The following ESRRA variants were observed in gnomAD, a reference collection of about 807,000 sequenced individuals.
ESRRA encodes the protein steroid hormone receptor ERR1.
Under a neutral mutation model 35.6 loss-of-function variants are expected in ESRRA, and 7 were observed. The ratio of observed to expected loss-of-function variants is 0.20; its 90% CI spans 0.11 to 0.37. The LOEUF (loss-of-function observed/expected upper bound fraction) is 0.37. ESRRA is among the 10% of genes least tolerant of loss of function. ESRRA has a pLI of 1.00. For missense variants in ESRRA, 378 were observed against 561.7 expected, an observed-to-expected ratio of 0.67 and a Z score of 3.31; for synonymous variants, 223 against 246.9, an observed-to-expected ratio of 0.90 and a Z score of 0.91.
chr11:64,311,175 A>G (rs1224829266), intron 2 of ESRRA, among the ~76,000 whole-genome samples: 1 of 152,234 alleles, frequency 6.6e-6, no homozygotes. Context: ...GCCCAAGGTC[A>G]TAAAGGTATG....
chr11:64,306,993 C>G (rs2035046289), intron 1 of ESRRA, 175 bp from the exon 2 acceptor site: 1 of 496,008 alleles, frequency 2.0e-6, no homozygotes, highest in African/African-American at 2.0e-5. Flanking sequence ...ATGGCAACAG[C>G]TAGGAGGGGG....
chr11:64,314,625 TC>T, intron 4 of ESRRA, 115 bp from the exon 5 acceptor site: 2 of 1,083,154 alleles, frequency 1.8e-6, no homozygotes, highest in South Asian at 3.1e-5. Flanking sequence ...TGGAGGGAAG[TC>T]ACTGGACAGC....
In ESRRA at chr11:64,313,314, A is replaced by G. The variant is rs1024798213; in HGVS notation, c.326-637A>G. Among the ~76,000 whole-genome samples, 2 of 152,162 alleles carry G rather than the reference A, an allele frequency of 1.3e-5. No individual in the cohort carries two copies. The highest frequency in any genetic ancestry group is 4.8e-5 in the African/African-American group (2 of 41,430). On this transcript the variant is annotated intron_variant, in intron 2 of 6. Transcript: ENST00000000442. This position sits in a 1 kb window ranked among gnomAD's most constrained non-coding sequence, Gnocchi z 4.0. ...GTGTTCGGTCCGAGATGCCTTCTAG[A>G]CATGCAGGATGTCAAGGAGGCAGCT...
rs373869986 is a variant in ESRRA at position 64,316,207 on chromosome 11, C to A, written c.*241C>A. ...GCTGCCCCTTGCAAGCCATAACGTG[C>A]CCCCAGAGTGTAGGGGGCCTTGCGG... On this transcript the variant is annotated 3_prime_UTR_variant, in exon 7 of 7. Coordinates refer to ENST00000000442, the MANE Select transcript of ESRRA (RefSeq NM_004451.5). 6.3e-6 allele frequency: 3 copies of A among 479,776 alleles called. No homozygotes were observed. Among genetic ancestry groups the A allele is most frequent in the Non-Finnish European group, 1.1e-5 (3 of 270,952 alleles). The allele number at this position is 479,776 out of a possible 1,614,324, so 29.7% of individuals were successfully genotyped here.
At chr11:64,309,634 T>TAAA (rs575246508) in intron 2 of ESRRA, among the ~76,000 whole-genome samples, 2 of 124,632 alleles carry the variant, frequency 1.6e-5, no homozygotes, top group Non-Finnish European at 3.5e-5. Flanking sequence ...CACGTATAAT[T>TAAA]AAAAAAAAAA....
At position 64,307,370 on chromosome 11, in the gene ESRRA, A is replaced by G; in HGVS notation, c.191A>G (p.Gln64Arg). 1.2e-6 allele frequency: 2 copies of G among 1,606,494 alleles called. No homozygotes were observed. Among genetic ancestry groups the G allele is most frequent in the Non-Finnish European group, 8.5e-7 (1 of 1,175,372 alleles). ...GGGGAGGGGGCTGGGCCTGGCGAGC[A>G]GGGCGGTGGGAAGCTGGTGCTCAGC... ...EDGEGAGPGE[Q>R]GGGKLVLSSL... Residue 64 changes from glutamine (Q) to arginine (R), a missense_variant, in exon 2 of 7, where the codon CAG (glutamine) becomes CGG (arginine). Transcript: ENST00000000442.
Position 64,314,159 on chromosome 11 carries a change from C to T in ESRRA, c.443-80C>T, listed in dbSNP as rs906223144. The T allele has an allele frequency of 1.3e-4, 198 of 1,557,906 alleles. No individual in the cohort carries two copies. The Middle Eastern group carries it at 1.4e-3, about 11-fold the overall frequency. ...GCCTGGGAGTTCTGGTGAGTGGACT[C>T]GGGGAGGACAGCTCTGGAGAGCAAG... On this transcript the variant is annotated intron_variant, in intron 3 of 6. Coordinates refer to ENST00000000442, the MANE Select transcript of ESRRA (RefSeq NM_004451.5).
chr11:64,315,720 C>T lies in ESRRA; in HGVS notation c.1026C>T (p.Ile342=), dbSNP rs1204285852. ...CTCTTCTTGCAGACTCTGTGCACAT[C>T]GAAGATGCCGAGGCTGTGGAGCAGC... The part of the protein sequence containing the change: ...LALANSDSVH[I]EDAEAVEQLR... Residue 342 remains isoleucine, a synonymous_variant, in exon 7 of 7, where the codon ATC becomes ATT. Coordinates refer to ENST00000000442, the MANE Select transcript of ESRRA (RefSeq NM_004451.5). 8 of 1,613,810 alleles carry T rather than the reference C, an allele frequency of 5.0e-6. No homozygotes were observed. Among genetic ancestry groups the T allele is most frequent in the Middle Eastern group, 1.6e-4 (1 of 6,078 alleles).
At position 64,316,148 on chromosome 11, in the gene ESRRA, A is replaced by G. The variant is rs1591247831; in HGVS notation, c.*182A>G. Reference sequence around the variant, plus strand: ...CCTCCCCCTCCTAGGGGGTGTCAGAAGCTGGGAACGTGTGTCCAGGCTCTG... The same window carrying G: ...CCTCCCCCTCCTAGGGGGTGTCAGAGGCTGGGAACGTGTGTCCAGGCTCTG... On this transcript the variant is annotated 3_prime_UTR_variant, in exon 7 of 7. Coordinates refer to ENST00000000442, the MANE Select transcript of ESRRA (RefSeq NM_004451.5). 1 of 686,286 alleles carries G rather than the reference A, an allele frequency of 1.5e-6. No homozygotes were observed. The highest frequency in any genetic ancestry group is 2.1e-5 in the South Asian group (1 of 47,666). 42.5% of individuals were successfully genotyped at this position (686,286 alleles called of 1,614,324 possible). A position where few individuals can be genotyped will look rare whatever the true frequency, so the allele number is the denominator to read the frequency against.
At chr11:64,314,214 A>G in intron 3 of ESRRA, 25 bp from the exon 4 acceptor site, 2 of 1,598,048 alleles carry the variant, frequency 1.3e-6, no homozygotes, top group Non-Finnish European at 1.7e-6. Context: ...CCACAGTCAC[A>G]GTCCTATCTG....
chr11:64,314,168 C>T, intron 3 of ESRRA, 71 bp from the exon 4 acceptor site: 1 of 1,564,728 alleles, frequency 6.4e-7, no homozygotes, highest in Non-Finnish European at 8.7e-7. Context: ...TCGGGGAGGA[C>T]AGCTCTGGAG....
rs1017720295 is a variant in ESRRA at position 64,305,927 on chromosome 11, C to G, written c.-13+191C>G. On this transcript the variant is annotated intron_variant, in intron 1 of 6. Transcript: ENST00000000442. This position sits in a 1 kb window ranked among gnomAD's most constrained non-coding sequence, Gnocchi z 5.8. ...TTCAGGCGGGATCCGGCGTCCGAGT[C>G]CTGGTGGGCCGGCCTGGGGCAGGAT... Among the ~76,000 whole-genome samples, 46 of 152,186 alleles carry G rather than the reference C, an allele frequency of 3.0e-4. No homozygotes were observed. Among genetic ancestry groups the G allele is most frequent in the African/African-American group, 1.1e-3 (44 of 41,534 alleles).
intron 2 of ESRRA, among the ~76,000 whole-genome samples, chr11:64,312,004 GT>G (rs1264455281): frequency 3.7e-4 from 1 of 2,684 alleles, no homozygotes; most frequent in Non-Finnish European, 2.5e-3. Context: ...TTGGTACAGA[GT>G]TTCGCTCTGG....
rs1408140490 is a variant in ESRRA at position 64,314,320 on chromosome 11, C to T, written c.524C>T (p.Pro175Leu). ...GTGGACCCACTGCCCTTCCCGGGCC[C>T]CTTCCCTGCTGGGCCCCTGGCAGTC... ...PEVDPLPFPG[P>L]FPAGPLAVAG... Residue 175 changes from proline to leucine, a missense_variant, in exon 4 of 7, where the codon CCC becomes CTC. Pro to Leu is a moderately conservative substitution (Grantham distance 98, BLOSUM62 -3). Around this residue, in one of 4 missense-constraint regions of ESRRA, gnomAD observed 284 missense variants for 411.7 expected, o/e 0.69. Coordinates refer to ENST00000000442, the MANE Select transcript of ESRRA (RefSeq NM_004451.5). The T allele has an allele frequency of 1.2e-6, 2 of 1,606,794 alleles. No individual in the cohort carries two copies. The highest frequency in any genetic ancestry group is 1.7e-6 in the Non-Finnish European group (2 of 1,177,086).
At chr11:64,306,875 G>A (rs1422378557) in intron 1 of ESRRA, 3 of 302,246 alleles carry the variant, frequency 9.9e-6, no homozygotes, top group Non-Finnish European at 1.2e-5. Flanking sequence ...TGGGGGCTAC[G>A]GTTACCCTGC....
At chr11:64,306,449 G>A (rs1216333863) in intron 1 of ESRRA, 3 of 152,590 alleles carry the variant, frequency 2.0e-5, no homozygotes, top group Non-Finnish European at 2.9e-5. Flanking sequence ...CGCGTGTCAG[G>A]TGTGAAAAGC....
In ESRRA at chr11:64,316,128, C is replaced by T; in HGVS notation, c.*162C>T. On this transcript the variant is annotated 3_prime_UTR_variant, in exon 7 of 7. Transcript: ENST00000000442. Reference sequence around the variant, plus strand: ...GAACAGGCCCCACGCCCTCTCCTCCCCCTCCTAGGGGGTGTCAGAAGCTGG... The same window carrying T: ...GAACAGGCCCCACGCCCTCTCCTCCTCCTCCTAGGGGGTGTCAGAAGCTGG... The T allele has an allele frequency of 1.2e-6, 1 of 809,846 alleles. No individual in the cohort carries two copies. The highest frequency in any genetic ancestry group is 1.9e-6 in the Non-Finnish European group (1 of 520,114). The allele number at this position is 809,846 out of a possible 1,614,324, so 50.2% of individuals were successfully genotyped here. A position where few individuals can be genotyped will look rare whatever the true frequency, so the allele number is the denominator to read the frequency against.
chr11:64,315,884 C>G lies in ESRRA; in HGVS notation c.1190C>G (p.Ala397Gly). Reference sequence around the variant, plus strand: ...CGCCAGACAGCGGGCAAAGTGCTGGCCCATTTCTATGGGGTGAAGCTGGAG... The same window carrying G: ...CGCCAGACAGCGGGCAAAGTGCTGGGCCATTTCTATGGGGTGAAGCTGGAG... ...LLRQTAGKVL[A>G]HFYGVKLEGK... The change falls in exon 7 of 7, where the codon GCC becomes GGC. Residue 397 changes from alanine to glycine, a missense_variant. Coordinates refer to ENST00000000442, the MANE Select transcript of ESRRA (RefSeq NM_004451.5). 6.2e-7 allele frequency: 1 copy of G among 1,609,388 alleles called. No individual in the cohort carries two copies. Among genetic ancestry groups the G allele is most frequent in the South Asian group, 1.1e-5 (1 of 90,798 alleles).
At position 64,315,877 on chromosome 11, in the gene ESRRA, G is replaced by A. The variant is rs746741447; in HGVS notation, c.1183G>A (p.Val395Met). Residue 395 changes from valine (V) to methionine (M), a missense_variant, in exon 7 of 7, where the codon GTG becomes ATG. By Grantham distance (21) the Val-to-Met change is conservative. Around this residue, in one of 4 missense-constraint regions of ESRRA, gnomAD observed 284 missense variants for 411.7 expected, o/e 0.69. Transcript: ENST00000000442. The stretch of plus-strand genomic sequence containing the variant: ...GCTCCTCCGCCAGACAGCGGGCAAA[G>A]TGCTGGCCCATTTCTATGGGGTGAA... ...LPLLRQTAGK[V>M]LAHFYGVKLE... The A allele has an allele frequency of 1.3e-5, 21 of 1,609,702 alleles. No homozygotes were observed. Among genetic ancestry groups the A allele is most frequent in the Admixed American group, 1.7e-5 (1 of 59,862 alleles).
Sources: allele counts gnomAD v4.1 joint callset (sites outside exome capture counted in the v4.1 genomes callset), GRCh38; gene constraint gnomAD v4.1.1; regional missense constraint gnomAD v4.1.1; non-coding constraint Gnocchi (gnomAD v3.1); transcripts MANE v1.5; gene names NCBI Gene and HGNC (gene_info 2026-07-23, HGNC 2026-07-21).